Variants in FLRT3 observed in about 807,000 individuals in gnomAD.
FLRT3 encodes the protein fibronectin leucine rich transmembrane protein 3.
FLRT3 carries 17 observed loss-of-function variants against 42.6 expected under a neutral mutation model. That is an observed-to-expected ratio of 0.40 (90% CI 0.27 to 0.60). The LOEUF (loss-of-function observed/expected upper bound fraction) is 0.60, where lower values mean the gene tolerates loss of function less well. FLRT3 is among the 20% of genes least tolerant of loss of function. FLRT3 has a pLI of 0.44. For missense variants in FLRT3, 635 were observed against 789.2 expected (o/e 0.80, Z 2.34); for synonymous variants, 279 against 286.4 (o/e 0.97, Z 0.26).
At chr20:14,331,451 A>T (rs1477455735) in intron 1 of FLRT3, among the ~76,000 whole-genome samples, 1 of 152,122 alleles carries the variant, frequency 6.6e-6, no homozygotes, top group East Asian at 1.9e-4. Context: ...ATAATGTGGG[A>T]TTAACAGAAA....
At chr20:14,337,235 A>G (rs2082954712) in intron 1 of FLRT3, among the ~76,000 whole-genome samples, 169 bp downstream of exon 1, 1 of 152,192 alleles carries the variant, frequency 6.6e-6, no homozygotes, top group Non-Finnish European at 1.5e-5. Flanking sequence ...TTCAGCCATG[A>G]TAGTGAAATT....
At chr20:14,328,081 A>G in intron 2 of FLRT3, among the ~76,000 whole-genome samples, 1 of 152,228 alleles carries the variant, frequency 6.6e-6, no homozygotes, top group East Asian at 1.9e-4. Flanking sequence ...CTTCATACTC[A>G]GGAATAGTTA....
intron 1 of FLRT3, among the ~76,000 whole-genome samples, chr20:14,329,583 G>A (rs1454590760): frequency 2.0e-5 from 3 of 151,908 alleles, no homozygotes; most frequent in African/African-American, 4.8e-5. Context: ...AAACACCATG[G>A]CTTTCAAATT....
intron 1 of FLRT3, among the ~76,000 whole-genome samples, chr20:14,331,028 G>A (rs2082826728): frequency 6.6e-6 from 1 of 152,026 alleles, no homozygotes; most frequent in African/African-American, 2.4e-5. Flanking sequence ...AAAATAACAA[G>A]TGAGAACCTG....
rs185020666 is a variant in FLRT3 at position 14,334,692 on chromosome 20, C to T, written c.-247+2712G>A. ...GGAGGGAAGGGGGAAGGAGGAAAGA[C>T]GGAGGGGAGAAATTATGGCCTTTGA... On this transcript the variant is annotated intron_variant, in intron 1 of 2. Coordinates refer to ENST00000341420, the MANE Select transcript of FLRT3 (RefSeq NM_198391.3). Among the ~76,000 whole-genome samples the T allele has an allele frequency of 2.2e-4, 33 of 151,474 alleles. No individual in the cohort carries two copies. In the East Asian group the frequency reaches 4.3e-3, roughly 20 times the overall value.
chr20:14,330,224 A>C (rs1018132678), intron 1 of FLRT3, among the ~76,000 whole-genome samples: 1 of 151,998 alleles, frequency 6.6e-6, no homozygotes, highest in African/African-American at 2.4e-5. Context: ...GACTAAAGAG[A>C]TCATTGAATT....
At position 14,324,345 on chromosome 20, in the gene FLRT3, G is replaced by A. The variant is rs1269877848; in HGVS notation, c.*1212C>T. 5 of 152,478 alleles carry A rather than the reference G, an allele frequency of 3.3e-5. No homozygotes were observed. The highest frequency in any genetic ancestry group is 4.4e-5 in the Non-Finnish European group (3 of 67,984). 9.4% of individuals were successfully genotyped at this position (152,478 alleles called of 1,614,324 possible). ...TGATATGGTTTTTCAACAAGTAACAGCTCACAATTCAGTAGGAAGCTAGAA... is the reference window on the plus strand; with the variant it reads ...TGATATGGTTTTTCAACAAGTAACAACTCACAATTCAGTAGGAAGCTAGAA... On this transcript the variant is annotated 3_prime_UTR_variant, in exon 3 of 3. Coordinates refer to ENST00000341420, the MANE Select transcript of FLRT3 (RefSeq NM_198391.3).
At chr20:14,329,579 C>T (rs1249722421) in intron 1 of FLRT3, among the ~76,000 whole-genome samples, 1 of 151,980 alleles carries the variant, frequency 6.6e-6, no homozygotes, top group Non-Finnish European at 1.5e-5. Context: ...AATTAAACAC[C>T]ATGGCTTTCA....
intron 1 of FLRT3, among the ~76,000 whole-genome samples, chr20:14,336,680 T>G (rs1051879893): frequency 1.3e-5 from 2 of 152,224 alleles, no homozygotes; most frequent in Non-Finnish European, 2.9e-5. Flanking sequence ...TTAGTTTTTC[T>G]GAGTAGACTT....
Position 14,324,403 on chromosome 20 carries a change from A to G in FLRT3, c.*1154T>C, listed in dbSNP as rs559253254. 1 of 152,604 alleles carries G rather than the reference A, an allele frequency of 6.6e-6. No homozygotes were observed. Among genetic ancestry groups the G allele is most frequent in the Non-Finnish European group, 1.5e-5 (1 of 68,012 alleles). The allele number at this position is 152,604 out of a possible 1,614,324, so 9.5% of individuals were successfully genotyped here. A position where few individuals can be genotyped will look rare whatever the true frequency, so the allele number is the denominator to read the frequency against. ...TTACATTACGAGTTCATTATATAAT[A>G]TCTGGAAAATTGTGACAGTAATGGG... is the stretch of plus-strand genomic sequence containing the variant. On this transcript the variant is annotated 3_prime_UTR_variant, in exon 3 of 3. Coordinates refer to ENST00000341420, the MANE Select transcript of FLRT3 (RefSeq NM_198391.3).
chr20:14,323,996 T>G lies in FLRT3; in HGVS notation c.*1561A>C, dbSNP rs916751603. ...AAAATGATACACAACCTCAAGATGT[T>G]GATTTTTTAAAATTTTTAGCCAACT... On this transcript the variant is annotated 3_prime_UTR_variant, in exon 3 of 3. Coordinates refer to ENST00000341420, the MANE Select transcript of FLRT3 (RefSeq NM_198391.3). The G allele has an allele frequency of 1.3e-5, 2 of 152,178 alleles. No individual in the cohort carries two copies. Among genetic ancestry groups the G allele is most frequent in the African/African-American group, 4.8e-5 (2 of 41,444 alleles). 9.4% of individuals were successfully genotyped at this position (152,178 alleles called of 1,614,324 possible). A position where few individuals can be genotyped will look rare whatever the true frequency, so the allele number is the denominator to read the frequency against.
At position 14,326,433 on chromosome 20, in the gene FLRT3, A is replaced by G. The variant is rs1568558212; in HGVS notation, c.1074T>C (p.Ser358=). Residue 358 remains serine (S), a synonymous_variant, in exon 3 of 3, where the codon AGT becomes AGC. Transcript: ENST00000341420. The surrounding 1 kb of genome is among the most constrained non-coding windows in gnomAD (Gnocchi z 5.5). ...TTATCTGAATGGTGCTTACAATCCC[A>G]CTGTCCTTACAATCAAACAGTTCTG... ...LNAELFDCKD[S]GIVSTIQITT... 28 of 1,613,848 alleles carry G rather than the reference A, an allele frequency of 1.7e-5. No individual in the cohort carries two copies. The highest frequency in any genetic ancestry group is 2.3e-5 in the Non-Finnish European group (27 of 1,179,862).
Position 14,326,688 on chromosome 20 carries a change from G to C in FLRT3, c.819C>G (p.Leu273=). 1 of 1,613,756 alleles carries C rather than the reference G, an allele frequency of 6.2e-7. No individual in the cohort carries two copies. The highest frequency in any genetic ancestry group is 8.5e-7 in the Non-Finnish European group (1 of 1,179,814). Residue 273 remains leucine, a synonymous_variant, in exon 3 of 3, where the codon CTC becomes CTG. Coordinates refer to ENST00000341420, the MANE Select transcript of FLRT3 (RefSeq NM_198391.3). This position sits in a 1 kb window ranked among gnomAD's most constrained non-coding sequence, Gnocchi z 5.5. ...TATTATTGGACATATCCAGTCGATA[G>C]AGCTGCCTTAGATAAGAAAAAGCAT... ...PPNAFSYLRQ[L]YRLDMSNNNL...
intron 1 of FLRT3, among the ~76,000 whole-genome samples, chr20:14,336,970 A>T (rs1416763938): frequency 1.3e-5 from 2 of 152,126 alleles, no homozygotes; most frequent in Admixed American, 1.3e-4. Context: ...TGTACTGCGT[A>T]CTCATGGGCT....
rs2122584103 is a variant in FLRT3, at chr20:14,327,476, T to C, written c.31A>G (p.Ile11Val). The change falls in exon 3 of 3, where the codon ATC becomes GTC. Residue 11 changes from isoleucine (I) to valine (V), a missense_variant. Transcript: ENST00000341420. Reference sequence around the variant, plus strand: ...AGGAACAGCCCAATTTTAGTCCCGATGAGGAAGATGCTCCAGGCTGCGCTG... The same window carrying C: ...AGGAACAGCCCAATTTTAGTCCCGACGAGGAAGATGCTCCAGGCTGCGCTG... MISAAWSIFLIGTKIGLFLQV... is the reference protein window; with the variant it reads MISAAWSIFLVGTKIGLFLQV... The C allele has an allele frequency of 3.1e-6, 5 of 1,613,136 alleles. No homozygotes were observed. Among genetic ancestry groups the C allele is most frequent in the Non-Finnish European group, 4.2e-6 (5 of 1,179,456 alleles).
At chr20:14,329,432 A>G (rs1011132042) in intron 1 of FLRT3, 105 bp from the exon 2 acceptor site, 1 of 152,086 alleles carries the variant, frequency 6.6e-6, no homozygotes, top group Non-Finnish European at 1.5e-5. Context: ...CACATCTTTC[A>G]TCATAGTGGT....
chr20:14,327,598 G>T, intron 2 of FLRT3, 40 bp from the exon 3 acceptor site: 1 of 1,326,804 alleles, frequency 7.5e-7, no homozygotes, highest in Non-Finnish European at 1.0e-6. Context: ...AAACAATAAG[G>T]CCAGCATACT....
At chr20:14,337,332 G>T (rs1379269231) in intron 1 of FLRT3, 72 bp downstream of exon 1, 2 of 330,778 alleles carry the variant, frequency 6.0e-6, no homozygotes, top group South Asian at 3.1e-4. Context: ...GTATCAAGTC[G>T]TTTCTTTCTA....
intron 1 of FLRT3, among the ~76,000 whole-genome samples, chr20:14,334,852 G>A (rs1163004327): frequency 6.6e-6 from 1 of 151,676 alleles, no homozygotes; most frequent in Non-Finnish European, 1.5e-5. Flanking sequence ...GATCTATTCA[G>A]AATTTTTAAG....
Sources: gnomAD v4.1 joint callset for allele counts (sites outside exome capture counted in the v4.1 genomes callset) on GRCh38, gnomAD v4.1.1 for gene constraint, Gnocchi (gnomAD v3.1) non-coding constraint, MANE v1.5 for transcripts, NCBI Gene and HGNC (gene_info 2026-07-23, HGNC 2026-07-21) for gene names.